The following TACC3 variants were observed in gnomAD, a reference collection of about 807,000 sequenced individuals.
The protein encoded by TACC3 is transforming acidic coiled-coil containing protein 3, also known as transforming acidic coiled-coil-containing protein 3.
A neutral mutation model predicts 86.0 loss-of-function variants in TACC3; 52 were observed. The ratio of observed to expected loss-of-function variants is 0.60; its 90% CI spans 0.48 to 0.76. The LOEUF (loss-of-function observed/expected upper bound fraction) is 0.76. Ranked by LOEUF, TACC3 falls within the 30% of genes least tolerant of loss-of-function variation. The pLI is 0.00. For synonymous variants in TACC3, 512 were observed against 430.0 expected (o/e 1.19, Z -2.36); for missense variants, 1,120 against 1,070.4 (o/e 1.05, Z -0.65).
At chr4:1,737,961 C>T (rs1009886963) in intron 10 of TACC3, 7 of 580,638 alleles carry the variant, frequency 1.2e-5, no homozygotes, top group South Asian at 4.8e-5. Context: ...CTGGGCATGG[C>T]GTTGGCCTCT....
chr4:1,740,861 G>A lies in TACC3; in HGVS notation c.2098G>A (p.Glu700Lys). Residue 700 changes from glutamate (E) to lysine (K), a missense_variant, in exon 13 of 16, where the codon GAA (glutamate) becomes AAA (lysine). Glu to Lys is a moderately conservative substitution (Grantham distance 56). Transcript: ENST00000313288. ...GAAGCAGAAGGAACTTTCCAAAGCT[G>A]AAATCCAGAAAGTTCTAAAAGAAAA... ...VQKQKELSKA[E>K]IQKVLKEKDQ... The A allele has an allele frequency of 6.2e-7, 1 of 1,612,238 alleles. No homozygotes were observed. The highest frequency in any genetic ancestry group is 8.5e-7 in the Non-Finnish European group (1 of 1,179,638).
At chr4:1,723,357 T>A in intron 1 of TACC3, 64 bp from the exon 2 acceptor site, 1 of 1,551,990 alleles carries the variant, frequency 6.4e-7, no homozygotes, top group Non-Finnish European at 8.8e-7. Flanking sequence ...AGCTGTCACG[T>A]CTGTGTCTGG....
chr4:1,727,380 C>T (rs1717739729), intron 3 of TACC3, among the ~76,000 whole-genome samples: 1 of 152,162 alleles, frequency 6.6e-6, no homozygotes, highest in African/African-American at 2.4e-5. Context: ...GGTCCAGCAC[C>T]TGGCAAAGCG....
chr4:1,737,479 C>T (rs1446414079), intron 9 of TACC3, 119 bp from the exon 10 acceptor site: 2 of 1,096,402 alleles, frequency 1.8e-6, no homozygotes, highest in Non-Finnish European at 1.3e-6. Context: ...CGCACTGTCT[C>T]GGGTCCCTCA....
chr4:1,721,476 G>C (rs990003256), upstream of TACC3: 4 of 152,156 alleles, frequency 2.6e-5, no homozygotes, highest in African/African-American at 9.7e-5. Flanking sequence ...TTGGCCGCGC[G>C]AAGGCAACCG....
chr4:1,728,137 A>G lies in TACC3; in HGVS notation c.735A>G (p.Ala245=), dbSNP rs1717792582. ...ECRHGGVCAP[A]AVATSPPGAI... The stretch of plus-strand genomic sequence containing the variant: ...GGCACGGTGGGGTCTGTGCTCCCGC[A>G]GCAGTGGCCACTTCGCCTCCTGGTG... Residue 245 remains alanine, a synonymous_variant, in exon 4 of 16, where the codon GCA becomes GCG. Transcript: ENST00000313288. The G allele has an allele frequency of 1.2e-6, 2 of 1,611,878 alleles. No homozygotes were observed.
chr4:1,733,987 AAAAG>A (rs1187827621), intron 6 of TACC3, among the ~76,000 whole-genome samples: 29 of 151,978 alleles, frequency 1.9e-4, no homozygotes, highest in Non-Finnish European at 7.4e-5. Context: ...AAAAAAAAAA[AAAAG>A]AAAAGAAAAC....
At chr4:1,724,607 T>C (rs1577206292) in intron 3 of TACC3, among the ~76,000 whole-genome samples, 1 of 151,936 alleles carries the variant, frequency 6.6e-6, no homozygotes, top group East Asian at 1.9e-4. Flanking sequence ...GGCGAGGCGG[T>C]GTCTGTCTTT....
chr4:1,725,223 C>T (rs1000120885), intron 3 of TACC3, among the ~76,000 whole-genome samples: 7 of 151,886 alleles, frequency 4.6e-5, no homozygotes, highest in African/African-American at 1.2e-4. Context: ...TGAGCCACCA[C>T]GCCCGGCTGG....
rs1577219319 is a variant in TACC3, at chr4:1,736,447, CA to C, written c.1748+619del. ...CAAAAAAAAAAAAAAAAAAAAAAAC[CA>C]AAAAATAGAGGTCAGCAAACTATCA... On this transcript the variant is annotated intron_variant, in intron 8 of 15. Coordinates refer to ENST00000313288, the MANE Select transcript of TACC3 (RefSeq NM_006342.3). 1.9e-5 allele frequency among the ~76,000 whole-genome samples: 2 copies of C among 103,886 alleles called. 1 individual carries two copies. The highest frequency in any genetic ancestry group is 4.2e-5 in the Non-Finnish European group (2 of 47,224). 68.2% of individuals were successfully genotyped at this position (103,886 alleles called of 152,430 possible).
Position 1,728,230 on chromosome 4 carries a change from TGCGGGTGTGGGCACCCCCGTGCCA to T in TACC3, c.831_854del (p.Gly278_Ala285del), listed in dbSNP as rs1469515502. ...TGCCTGGCGAAGCCCTGGGCTGCCC[TGCGGGTGTGGGCACCCCCGTGCCA>T]GCAGATGGCACTCAGACCCTTACCT... On this transcript the variant is annotated inframe_deletion, in exon 4 of 16. Coordinates refer to ENST00000313288, the MANE Select transcript of TACC3 (RefSeq NM_006342.3). 6.2e-7 allele frequency: 1 copy of T among 1,612,304 alleles called. No individual in the cohort carries two copies.
At chr4:1,727,143 CATAAAA>C (rs1717727702) in intron 3 of TACC3, among the ~76,000 whole-genome samples, 1 of 150,672 alleles carries the variant, frequency 6.6e-6, no homozygotes, top group South Asian at 2.1e-4. Context: ...AAAAAAAAAA[CATAAAA>C]ATAAAGGAAG....
At chr4:1,742,438 G>C (rs746006287) in intron 13 of TACC3, among the ~76,000 whole-genome samples, 2 of 152,224 alleles carry the variant, frequency 1.3e-5, no homozygotes, top group African/African-American at 2.4e-5. Flanking sequence ...CCTCATGGAG[G>C]CTCCTTTGCA....
chr4:1,733,088 C>T (rs1052798859), intron 6 of TACC3, among the ~76,000 whole-genome samples: 5 of 152,122 alleles, frequency 3.3e-5, no homozygotes, highest in African/African-American at 7.2e-5. Flanking sequence ...TCCTCGCCAG[C>T]GCTGCTTGTC....
chr4:1,732,911 A>G (rs146861998), intron 6 of TACC3, among the ~76,000 whole-genome samples: 131 of 152,248 alleles, frequency 8.6e-4, no homozygotes, highest in African/African-American at 3.1e-3. Context: ...TTCAGGTGTA[A>G]GTTCTATGTG....
At chr4:1,723,950 C>T in intron 3 of TACC3, 80 bp downstream of exon 3, 1 of 1,499,770 alleles carries the variant, frequency 6.7e-7, no homozygotes, top group Non-Finnish European at 9.1e-7. Flanking sequence ...CTGTCTTGTT[C>T]TATCAGGCCT....
chr4:1,737,718 G>A lies in TACC3; in HGVS notation c.1941+16G>A. 6.5e-7 allele frequency: 1 copy of A among 1,549,408 alleles called. No individual in the cohort carries two copies. The highest frequency in any genetic ancestry group is 8.7e-7 in the Non-Finnish European group (1 of 1,145,564). On this transcript the variant is annotated intron_variant, in intron 10 of 15. Coordinates refer to ENST00000313288, the MANE Select transcript of TACC3 (RefSeq NM_006342.3). ...GGATGCAGTGGTAAGGACGCAGGTA[G>A]TAGCTATTCCACAGAACCTGCAGGC...
rs1215341957 is a variant in TACC3, at chr4:1,735,021, T to C, written c.1592-252T>C. On this transcript the variant is annotated intron_variant, in intron 6 of 15. Coordinates refer to ENST00000313288, the MANE Select transcript of TACC3 (RefSeq NM_006342.3). The surrounding 1 kb of genome is among the most constrained non-coding windows in gnomAD (Gnocchi z 4.2). ...TTTGCCCCCGCCTTTCCCCAGATGTTTGTGGTTGTCACACCTGGAGGTGCT... is the reference window on the plus strand; with the variant it reads ...TTTGCCCCCGCCTTTCCCCAGATGTCTGTGGTTGTCACACCTGGAGGTGCT... Among the ~76,000 whole-genome samples the C allele has an allele frequency of 6.6e-6, 1 of 152,260 alleles. No homozygotes were observed. Among genetic ancestry groups the C allele is most frequent in the African/African-American group, 2.4e-5 (1 of 41,476 alleles).
chr4:1,745,165 A>G lies in TACC3; in HGVS notation c.*152A>G, dbSNP rs1041709413. On this transcript the variant is annotated 3_prime_UTR_variant, in exon 16 of 16. Coordinates refer to ENST00000313288, the MANE Select transcript of TACC3 (RefSeq NM_006342.3). Reference sequence around the variant, plus strand: ...ATGACTCAATAAAAGTTTCCTTTCAATTTAAACACTGAAGCCGCTCTGGTC... The same window carrying G: ...ATGACTCAATAAAAGTTTCCTTTCAGTTTAAACACTGAAGCCGCTCTGGTC... The G allele has an allele frequency of 9.3e-6, 8 of 862,372 alleles. No individual in the cohort carries two copies. The highest frequency in any genetic ancestry group is 6.8e-5 in the African/African-American group (4 of 58,840). 53.4% of individuals were successfully genotyped at this position (862,372 alleles called of 1,614,324 possible).
Sources: allele counts gnomAD v4.1 joint callset (sites outside exome capture counted in the v4.1 genomes callset), GRCh38; gene constraint gnomAD v4.1.1; non-coding constraint Gnocchi (gnomAD v3.1); transcripts MANE v1.5; gene names NCBI Gene and HGNC (gene_info 2026-07-23, HGNC 2026-07-21).